Variants in RUFY1 observed in about 807,000 individuals in gnomAD.
RUFY1 encodes the protein RUN and FYVE domain-containing protein 1.
A neutral mutation model predicts 94.6 loss-of-function variants in RUFY1; 54 were observed. That is an observed-to-expected ratio of 0.57 (90% CI 0.46 to 0.72). RUFY1 has a LOEUF of 0.72. Ranked by LOEUF, RUFY1 falls within the 30% of genes least tolerant of loss-of-function variation. The pLI, the probability that RUFY1 is intolerant of heterozygous loss-of-function variation, is 0.00. For missense variants in RUFY1, 883 were observed against 883.9 expected (o/e 1.00, Z 0.01); for synonymous variants, 396 against 347.3 (o/e 1.14, Z -1.56).
intron 10 of RUFY1, among the ~76,000 whole-genome samples, 171 bp from the exon 11 acceptor site, chr5:179,593,307 G>A (rs1385592211): frequency 2.0e-5 from 3 of 151,794 alleles, no homozygotes; most frequent in Admixed American, 2.0e-4. Context: ...CGAACTCCTG[G>A]CCTCAAGTGA....
chr5:179,565,683 C>T (rs1762782922), intron 3 of RUFY1, among the ~76,000 whole-genome samples: 1 of 152,078 alleles, frequency 6.6e-6, no homozygotes, highest in Non-Finnish European at 1.5e-5. Flanking sequence ...TTTTGTTTAA[C>T]CCCGCCTTGT....
chr5:179,556,569 C>T (rs546956011), intron 1 of RUFY1, among the ~76,000 whole-genome samples: 25 of 151,794 alleles, frequency 1.6e-4, no homozygotes, highest in Admixed American at 1.5e-3. Context: ...GGCGCAATCT[C>T]GGCTCACTGC....
intron 2 of RUFY1, among the ~76,000 whole-genome samples, chr5:179,561,190 T>C (rs1003327340): frequency 1.3e-5 from 2 of 151,708 alleles, no homozygotes; most frequent in African/African-American, 4.8e-5. Context: ...CAACCAAGGC[T>C]ACAGGGTGAG....
At chr5:179,574,408 A>T (rs1763466421) in intron 5 of RUFY1, among the ~76,000 whole-genome samples, 1 of 152,188 alleles carries the variant, frequency 6.6e-6, no homozygotes, top group African/African-American at 2.4e-5. Flanking sequence ...AAAAATAAAC[A>T]TAAAAATAAA....
At chr5:179,593,873 G>A (rs1765311896) in intron 11 of RUFY1, among the ~76,000 whole-genome samples, 4 of 152,166 alleles carry the variant, frequency 2.6e-5, no homozygotes, top group Admixed American at 6.5e-5. Context: ...CCCTGGTGAC[G>A]TAGCTTCTAA....
intron 17 of RUFY1, among the ~76,000 whole-genome samples, chr5:179,608,912 CAG>C (rs1400018537): frequency 9.3e-6 from 1 of 107,780 alleles, no homozygotes; most frequent in Non-Finnish European, 1.9e-5. Context: ...GCCTGGGCGA[CAG>C]AGACTCAAAA....
intron 1 of RUFY1, among the ~76,000 whole-genome samples, 190 bp downstream of exon 1, chr5:179,551,069 A>G (rs1335266941): frequency 2.0e-5 from 3 of 148,398 alleles, no homozygotes; most frequent in African/African-American, 7.3e-5. Flanking sequence ...CGCCCCCCGC[A>G]GCCCCGCGTG....
chr5:179,591,968 C>T (rs72824520), intron 10 of RUFY1, among the ~76,000 whole-genome samples: 13,756 of 151,998 alleles, frequency 0.091, 695 homozygotes, highest in Middle Eastern at 0.13. Flanking sequence ...TTTTTCAAGA[C>T]GGAGTCTCAC....
In RUFY1 at chr5:179,550,761, G is replaced by C. The variant is rs1411262402; in HGVS notation, c.192G>C (p.Ala64=). ...TRPRAAEGWS[A]PILTLARRAT... ...CGCGGGCGGCCGAGGGCTGGTCGGC[G>C]CCCATCCTGACCCTGGCACGCAGGG... The change falls in exon 1 of 18, where the codon GCG becomes GCC. Residue 64 remains alanine, a synonymous_variant. Transcript: ENST00000319449. The C allele has an allele frequency of 6.3e-6, 9 of 1,430,704 alleles. No individual in the cohort carries two copies. Among genetic ancestry groups the C allele is most frequent in the Non-Finnish European group, 6.4e-6 (7 of 1,090,406 alleles). The allele number at this position is 1,430,704 out of a possible 1,614,324, so 88.6% of individuals were successfully genotyped here.
In RUFY1 at chr5:179,596,779, A is replaced by T. The variant is rs903477756; in HGVS notation, c.1631+98A>T. ...ATCCTGCTTCAGCACGAACGGGAGG[A>T]GGGGGGGCGGGGGGGCAGGTGGTAT... On this transcript the variant is annotated intron_variant, in intron 13 of 17. Coordinates refer to ENST00000319449, the MANE Select transcript of RUFY1 (RefSeq NM_025158.5). The T allele has an allele frequency of 5.3e-3, 149 of 28,250 alleles. No individual in the cohort carries two copies. The highest frequency in any genetic ancestry group is 7.7e-3 in the East Asian group (7 of 908). The allele number at this position is 28,250 out of a possible 1,614,324, so 1.7% of individuals were successfully genotyped here.
At chr5:179,584,848 C>A (rs1411917859) in intron 7 of RUFY1, among the ~76,000 whole-genome samples, 1 of 152,036 alleles carries the variant, frequency 6.6e-6, no homozygotes, top group Non-Finnish European at 1.5e-5. Context: ...TTTAAAAACA[C>A]CTTGGGACCG....
intron 1 of RUFY1, among the ~76,000 whole-genome samples, chr5:179,556,148 C>T (rs890851958): frequency 6.6e-6 from 1 of 151,960 alleles, no homozygotes; most frequent in Admixed American, 6.6e-5. Flanking sequence ...ATGTAAATAC[C>T]TTAATGAATT....
intron 1 of RUFY1, among the ~76,000 whole-genome samples, chr5:179,558,752 T>A (rs752525989): frequency 7.9e-5 from 12 of 152,190 alleles, no homozygotes; most frequent in Non-Finnish European, 1.6e-4. Flanking sequence ...TCTCAGTATT[T>A]ATTTAAGACC....
rs143541846 is a variant in RUFY1, at chr5:179,578,205, G to T, written c.890+1069G>T. Among the ~76,000 whole-genome samples, 26 of 152,120 alleles carry T rather than the reference G, an allele frequency of 1.7e-4. No homozygotes were observed. In the East Asian group the frequency reaches 5.0e-3, roughly 29 times the overall value. On this transcript the variant is annotated intron_variant, in intron 6 of 17. Coordinates refer to ENST00000319449, the MANE Select transcript of RUFY1 (RefSeq NM_025158.5). ...TCTGTAATCATAGTGTTTTAGATTT[G>T]TTTGTTTGTTTTGTTTTGTTTTGTT...
intron 7 of RUFY1, among the ~76,000 whole-genome samples, chr5:179,582,304 A>G (rs1764226429): frequency 6.6e-6 from 1 of 151,904 alleles, no homozygotes; most frequent in Non-Finnish European, 1.5e-5. Context: ...GGCTCACTGC[A>G]GCCTCCACCT....
Position 179,609,383 on chromosome 5 carries a change from G to A in RUFY1, c.1991G>A (p.Cys664Tyr). 1 of 1,613,290 alleles carries A rather than the reference G, an allele frequency of 6.2e-7. No homozygotes were observed. The highest frequency in any genetic ancestry group is 8.5e-7 in the Non-Finnish European group (1 of 1,179,920). The stretch of plus-strand genomic sequence containing the variant: ...CTTCTTCCCGTCCTGTAGCACCACT[G>A]CCGGAACTGTGGCCACATCTTCTGC... ...EFSISRRKHH[C>Y]RNCGHIFCNT... The change falls in exon 18 of 18, where the codon TGC (cysteine) becomes TAC (tyrosine). Residue 664 changes from cysteine to tyrosine, a missense_variant. Transcript: ENST00000319449.
At chr5:179,602,057 A>G (rs920746227) in intron 15 of RUFY1, 71 bp downstream of exon 15, 1 of 1,263,190 alleles carries the variant, frequency 7.9e-7, no homozygotes, top group Admixed American at 1.8e-5. Flanking sequence ...TCAGGCCCCA[A>G]ACCTACCTCC....
At position 179,596,655 on chromosome 5, in the gene RUFY1, G is replaced by A; in HGVS notation, c.1605G>A (p.Leu535=). The change falls in exon 13 of 18, where the codon CTG becomes CTA. Residue 535 remains leucine (L), a synonymous_variant. Transcript: ENST00000319449. ...GCGGGAGGATCGGCGCCCTGCAGCTGCAGCTCTCCCAGCTGCACGAGCAAT... is the reference window on the plus strand; with the variant it reads ...GCGGGAGGATCGGCGCCCTGCAGCTACAGCTCTCCCAGCTGCACGAGCAAT... ...ELGGRIGALQ[L]QLSQLHEQCS... 6.2e-7 allele frequency: 1 copy of A among 1,608,184 alleles called. No homozygotes were observed. Among genetic ancestry groups the A allele is most frequent in the Non-Finnish European group, 8.5e-7 (1 of 1,178,066 alleles).
chr5:179,574,899 G>A (rs999847332), intron 5 of RUFY1, among the ~76,000 whole-genome samples: 2 of 151,976 alleles, frequency 1.3e-5, no homozygotes, highest in East Asian at 3.9e-4. Flanking sequence ...TCATCTTTCT[G>A]TTGCTTTTTC....
Sources: gnomAD v4.1 joint callset for allele counts (sites outside exome capture counted in the v4.1 genomes callset) on GRCh38, gnomAD v4.1.1 for gene constraint, MANE v1.5 for transcripts, NCBI Gene and HGNC (gene_info 2026-07-23, HGNC 2026-07-21) for gene names.